MRE11: variants seen among roughly 807,000 people sequenced by gnomAD.
MRE11 encodes double-strand break repair protein MRE11.
Under a neutral mutation model 91.7 loss-of-function variants are expected in MRE11, and 62 were observed. That is an observed-to-expected ratio of 0.68 (90% CI 0.55 to 0.84). The LOEUF is 0.84. Ranked by LOEUF, MRE11 falls within the 40% of genes least tolerant of loss-of-function variation. The pLI is 0.00. For synonymous variants in MRE11, 273 were observed against 271.4 expected (o/e 1.01, Z -0.06); for missense variants, 796 against 852.9 (o/e 0.93, Z 0.83).
Position 94,435,863 on chromosome 11 carries a change from T to C in MRE11, c.1963A>G (p.Ile655Val), listed in dbSNP as rs770693038. ...TCTGTCTTTGAAGTGGTAGGAAAAA[T>C]GTCTTCTTCCACATCTGATTCATCT... ...EVDESDVEED[I>V]FPTTSKTDQR... The change falls in exon 18 of 20, where the codon ATT becomes GTT. Residue 655 changes from isoleucine to valine, a missense_variant. Coordinates refer to ENST00000323929, the MANE Select transcript of MRE11 (RefSeq NM_005591.4). 2 of 1,613,912 alleles carry C rather than the reference T, an allele frequency of 1.2e-6. No individual in the cohort carries two copies. Among genetic ancestry groups the C allele is most frequent in the East Asian group, 2.2e-5 (1 of 44,862 alleles).
chr11:94,421,330 G>A (rs1945166985), intron 19 of MRE11, among the ~76,000 whole-genome samples: 1 of 152,186 alleles, frequency 6.6e-6, no homozygotes, highest in African/African-American at 2.4e-5. Context: ...CCAAATGTTA[G>A]CTAAATTAAC....
chr11:94,484,659 G>A (rs1054787199), intron 4 of MRE11, among the ~76,000 whole-genome samples: 1 of 152,144 alleles, frequency 6.6e-6, no homozygotes, highest in Non-Finnish European at 1.5e-5. Flanking sequence ...GATAAATCAG[G>A]TTGATGTCAC....
upstream of MRE11, chr11:94,496,713 A>G (rs779671056): frequency 1.0e-5 from 16 of 1,582,372 alleles, no homozygotes; most frequent in Middle Eastern, 1.7e-4. Context: ...GAAAAAGGAA[A>G]TGATGATGGA....
chr11:94,501,649 T>G, the MRE11 span, among the ~76,000 whole-genome samples: 4 of 151,942 alleles, frequency 2.6e-5, no homozygotes, highest in African/African-American at 9.7e-5. Flanking sequence ...CAGATCTACA[T>G]GCCTGAAATC....
At chr11:94,499,048 A>G in the MRE11 span, 4 of 154,570 alleles carry the variant, frequency 2.6e-5, no homozygotes, top group Middle Eastern at 3.2e-3. Flanking sequence ...TCATAAGTTA[A>G]AGTAAAAAAC....
the MRE11 span, among the ~76,000 whole-genome samples, chr11:94,508,338 C>T: frequency 6.6e-6 from 1 of 152,146 alleles, no homozygotes; most frequent in Non-Finnish European, 1.5e-5. Context: ...TAGTTGTCTA[C>T]TCCAAAGGGT....
intron 13 of MRE11, 150 bp from the exon 14 acceptor site, chr11:94,456,488 TAAC>T (rs1946251618): frequency 2.9e-6 from 2 of 698,322 alleles, no homozygotes; most frequent in East Asian, 2.7e-5. Flanking sequence ...TTCCAATTAT[TAAC>T]GTTAAAATTG....
chr11:94,456,460 CA>C (rs2134971534), intron 13 of MRE11, 122 bp from the exon 14 acceptor site: 1 of 732,200 alleles, frequency 1.4e-6, no homozygotes, highest in East Asian at 2.8e-5. Context: ...CAATGTCTCA[CA>C]AAAGTAAATC....
chr11:94,470,471 CT>C lies in MRE11; in HGVS notation c.1016del (p.Lys339ArgfsTer51). 1 of 1,612,264 alleles carries C rather than the reference CT, an allele frequency of 6.2e-7. No individual in the cohort carries two copies. The highest frequency in any genetic ancestry group is 8.5e-7 in the Non-Finnish European group (1 of 1,178,810). On this transcript the variant is annotated frameshift_variant and splice_region_variant, in exon 9 of 20. Transcript: ENST00000323929. LOFTEE classifies it high-confidence loss of function. ...CATTGACTTTATCAAAAAGAATTAC[CT>C]TCTCCAAACAGAAGCTTTGTATGGC... ...TQAIQSFCLEKIEEMLENAER... is the reference protein window; with the variant it reads ...TQAIQSFCLEXIEEMLENAER...
At chr11:94,483,714 A>C (rs1947067871) in intron 4 of MRE11, 1 of 153,438 alleles carries the variant, frequency 6.5e-6, no homozygotes, top group Admixed American at 6.5e-5. Flanking sequence ...ACAGTGGCAC[A>C]TGCATATAGT....
At chr11:94,434,611 G>A (rs601341) in intron 18 of MRE11, among the ~76,000 whole-genome samples, 60,459 of 151,674 alleles carry the variant, frequency 0.4, 12,325 homozygotes, top group Middle Eastern at 0.49. Context: ...TGGGACCACC[G>A]TTTTCCACCC....
In MRE11 at chr11:94,447,276, G is replaced by T. The variant is rs774277300; in HGVS notation, c.1726C>A (p.Arg576=). 3 of 1,613,820 alleles carry T rather than the reference G, an allele frequency of 1.9e-6. No homozygotes were observed. The South Asian group carries it at 3.3e-5, about 18-fold the overall frequency. The part of the protein sequence containing the change: ...TNKGRGRGRG[R]RGGRGQNSAS... The stretch of plus-strand genomic sequence containing the variant: ...GAATTCTGCCCTCTTCCACCTCTTC[G>T]ACCTCTTCCTCGGCCTCTTCCTTTG... Residue 576 remains arginine, a synonymous_variant, in exon 15 of 20, where the codon CGA becomes AGA. Transcript: ENST00000323929.
chr11:94,471,178 C>T (rs1459717389), intron 8 of MRE11, among the ~76,000 whole-genome samples: 1 of 151,904 alleles, frequency 6.6e-6, no homozygotes, highest in African/African-American at 2.4e-5. Flanking sequence ...TATCATTCCC[C>T]CAAAAATGTT....
chr11:94,460,672 T>C (rs1946390450), intron 12 of MRE11, among the ~76,000 whole-genome samples: 1 of 152,012 alleles, frequency 6.6e-6, no homozygotes, highest in African/African-American at 2.4e-5. Context: ...GTTTAATAAT[T>C]GCAACAGAGA....
At chr11:94,465,031 C>T (rs1171070085) in intron 10 of MRE11, among the ~76,000 whole-genome samples, 1 of 152,144 alleles carries the variant, frequency 6.6e-6, no homozygotes, top group Non-Finnish European at 1.5e-5. Context: ...TCTCTTTGCA[C>T]CTCCACCTCC....
rs371077728 is a variant in MRE11 at position 94,467,821 on chromosome 11, G to C, written c.1090C>G (p.Arg364Gly). 2.5e-6 allele frequency: 4 copies of C among 1,611,580 alleles called. No individual in the cohort carries two copies. The highest frequency in any genetic ancestry group is 3.4e-6 in the Non-Finnish European group (4 of 1,178,202). Reference protein sequence around the residue: ...NSHQPEKPLVRLRVDYSGGFE... With the variant: ...NSHQPEKPLVGLRVDYSGGFE... ...ATATAAATAGGACTTACTCGCAGTC[G>C]TACAAGAGGCTTCTCTGGCTGGTGA... Residue 364 changes from arginine to glycine, a missense_variant, in exon 10 of 20, where the codon CGA (arginine) becomes GGA (glycine). Transcript: ENST00000323929.
At chr11:94,498,225 CTG>C (rs1947445741), upstream of MRE11, 1 of 1,614,148 alleles carries the variant, frequency 6.2e-7, no homozygotes, top group Non-Finnish European at 8.5e-7. Context: ...CATGCAGTGA[CTG>C]TGGATGGCTG....
chr11:94,456,229 T>G, intron 14 of MRE11, 47 bp downstream of exon 14: 1 of 1,549,384 alleles, frequency 6.5e-7, no homozygotes, highest in Admixed American at 1.7e-5. Flanking sequence ...TTATTCTAGT[T>G]TAAGAAAGTG....
At chr11:94,423,847 C>T (rs527745759) in intron 19 of MRE11, among the ~76,000 whole-genome samples, 1 of 152,328 alleles carries the variant, frequency 6.6e-6, no homozygotes, top group South Asian at 2.1e-4. Flanking sequence ...AGAGCTGGGG[C>T]TGGCACTCAA....
Sources: gnomAD v4.1 joint callset for allele counts (sites outside exome capture counted in the v4.1 genomes callset) on GRCh38, gnomAD v4.1.1 for gene constraint, MANE v1.5 for transcripts, NCBI Gene and HGNC (gene_info 2026-07-23, HGNC 2026-07-21) for gene names.